The following RNF144B variants were observed in gnomAD, a reference collection of about 807,000 sequenced individuals.
RNF144B encodes E3 ubiquitin-protein ligase RNF144B.
RNF144B carries 25 observed loss-of-function variants against 40.2 expected under a neutral mutation model. The observed-to-expected ratio is 0.62, with a 90% CI of 0.45 to 0.87. The LOEUF is 0.87. Ranked by LOEUF, RNF144B falls within the 40% of genes least tolerant of loss-of-function variation. The pLI is 0.00. For missense variants in RNF144B, 365 were observed against 373.7 expected (o/e 0.98, Z 0.19); for synonymous variants, 145 against 136.3 (o/e 1.06, Z -0.44).
intron 4 of RNF144B, among the ~76,000 whole-genome samples, chr6:18,445,399 T>C (rs1759060303): frequency 6.6e-6 from 1 of 152,240 alleles, no homozygotes; most frequent in African/African-American, 2.4e-5. Flanking sequence ...GGCAGTTTTA[T>C]TTCCCAGAAT....
chr6:18,388,924 T>C (rs944308259), intron 1 of RNF144B, among the ~76,000 whole-genome samples: 2 of 151,894 alleles, frequency 1.3e-5, no homozygotes, highest in African/African-American at 4.8e-5. Context: ...GGTAAACATA[T>C]ATAGTGAACG....
chr6:18,438,001 A>G (rs1282941561), intron 3 of RNF144B, among the ~76,000 whole-genome samples: 1 of 152,194 alleles, frequency 6.6e-6, no homozygotes, highest in Non-Finnish European at 1.5e-5. Flanking sequence ...GTCTTCTGGA[A>G]TCAAAGAAGG....
rs1434597074 is a variant in RNF144B at position 18,442,166 on chromosome 6, T to C, written c.331+2422T>C. Among the ~76,000 whole-genome samples, 1 of 152,200 alleles carries C rather than the reference T, an allele frequency of 6.6e-6. No individual in the cohort carries two copies. Among genetic ancestry groups the C allele is most frequent in the African/African-American group, 2.4e-5 (1 of 41,424 alleles). ...CCCAGATAGTGGTTGGCTTTTTGAC[T>C]TTTCAGTAGTATTCAAACCTGCTTG... On this transcript the variant is annotated intron_variant, in intron 4 of 7. Transcript: ENST00000259939. This position sits in a 1 kb window ranked among gnomAD's most constrained non-coding sequence, Gnocchi z 4.3.
intron 2 of RNF144B, among the ~76,000 whole-genome samples, chr6:18,411,714 G>A (rs1394607080): frequency 3.3e-5 from 5 of 151,122 alleles, no homozygotes; most frequent in Non-Finnish European, 7.4e-5. Context: ...GGCTGGTCTC[G>A]AGCTCCTGAC....
chr6:18,413,902 C>T (rs1220154248), intron 2 of RNF144B, among the ~76,000 whole-genome samples: 1 of 152,134 alleles, frequency 6.6e-6, no homozygotes, highest in Non-Finnish European at 1.5e-5. Context: ...AAAACTTTAT[C>T]TTACGGTTTA....
At chr6:18,415,031 T>C (rs1026860452) in intron 2 of RNF144B, among the ~76,000 whole-genome samples, 15 of 152,218 alleles carry the variant, frequency 9.9e-5, no homozygotes, top group African/African-American at 3.6e-4. Flanking sequence ...GTAACCTATG[T>C]ACATCCTCCC....
chr6:18,431,993 G>T (rs1758705475), intron 3 of RNF144B, among the ~76,000 whole-genome samples: 1 of 152,012 alleles, frequency 6.6e-6, no homozygotes, highest in Admixed American at 6.6e-5. Flanking sequence ...CTGCATTTGG[G>T]GATTCAACTG....
rs1362323564 is a variant in RNF144B, at chr6:18,406,265, C to T, written c.165+6566C>T. 6.6e-6 allele frequency among the ~76,000 whole-genome samples: 1 copy of T among 152,016 alleles called. No homozygotes were observed. The highest frequency in any genetic ancestry group is 1.5e-5 in the Non-Finnish European group (1 of 68,006). On this transcript the variant is annotated intron_variant, in intron 2 of 7. Transcript: ENST00000259939. The surrounding 1 kb of genome is among the most constrained non-coding windows in gnomAD (Gnocchi z 4.2). ...GTGCTGTGGGGAAGAGGGACTTCTA[C>T]TTTATTAGATGATCAGGGAAGTCTC... is the stretch of plus-strand genomic sequence containing the variant.
At chr6:18,407,984 C>CTTTTTTTTTTTTTTTT (rs370801682) in intron 2 of RNF144B, among the ~76,000 whole-genome samples, 1 of 133,602 alleles carries the variant, frequency 7.5e-6, no homozygotes, top group Non-Finnish European at 1.6e-5. Context: ...CTTTCTTTTT[C>CTTTTTTTTTTTTTTTT]TTTTTTTTTT....
intron 3 of RNF144B, among the ~76,000 whole-genome samples, chr6:18,432,074 A>G (rs572024712): frequency 1.3e-5 from 2 of 152,334 alleles, no homozygotes; most frequent in South Asian, 4.1e-4. Context: ...TATTCCCTAA[A>G]CAATATAGTA....
chr6:18,400,459 T>C lies in RNF144B; in HGVS notation c.165+760T>C, dbSNP rs1260064775. 6.6e-6 allele frequency among the ~76,000 whole-genome samples: 1 copy of C among 152,212 alleles called. No individual in the cohort carries two copies. The highest frequency in any genetic ancestry group is 1.5e-5 in the Non-Finnish European group (1 of 68,036). ...TACTTTGTCATAGCTCCTTTTATGC[T>C]GTTTTCACAGTATGCTGAATCCTTC... On this transcript the variant is annotated intron_variant, in intron 2 of 7. Coordinates refer to ENST00000259939, the MANE Select transcript of RNF144B (RefSeq NM_182757.4). This position sits in a 1 kb window ranked among gnomAD's most constrained non-coding sequence, Gnocchi z 5.6.
chr6:18,403,645 G>T (rs984196260), intron 2 of RNF144B, among the ~76,000 whole-genome samples: 2 of 152,146 alleles, frequency 1.3e-5, no homozygotes, highest in African/African-American at 4.8e-5. Flanking sequence ...TGACCTTTAA[G>T]AAAAGCCCAC....
chr6:18,443,308 G>A lies in RNF144B; in HGVS notation c.331+3564G>A, dbSNP rs369212409. Among the ~76,000 whole-genome samples the A allele has an allele frequency of 3.0e-4, 46 of 152,112 alleles. No homozygotes were observed. The highest frequency in any genetic ancestry group is 1.1e-3 in the African/African-American group (45 of 41,500). On this transcript the variant is annotated intron_variant, in intron 4 of 7. Transcript: ENST00000259939. The surrounding 1 kb of genome is among the most constrained non-coding windows in gnomAD (Gnocchi z 4.7). Reference sequence around the variant, plus strand: ...GATGGAGTCTCATTCTGTTGCCCAGGCTGGATTGCAGTGGCACGAACTCTG... The same window carrying A: ...GATGGAGTCTCATTCTGTTGCCCAGACTGGATTGCAGTGGCACGAACTCTG...
In RNF144B at chr6:18,443,229, C is replaced by T. The variant is rs1448628642; in HGVS notation, c.331+3485C>T. On this transcript the variant is annotated intron_variant, in intron 4 of 7. Coordinates refer to ENST00000259939, the MANE Select transcript of RNF144B (RefSeq NM_182757.4). The surrounding 1 kb of genome is among the most constrained non-coding windows in gnomAD (Gnocchi z 4.7). ...CATTTTATGAAAAACGTAACAGGCC[C>T]AGAGGCAATTTCCTCTTAAGTGATT... is the stretch of plus-strand genomic sequence containing the variant. Among the ~76,000 whole-genome samples, 1 of 152,080 alleles carries T rather than the reference C, an allele frequency of 6.6e-6. No individual in the cohort carries two copies. Among genetic ancestry groups the T allele is most frequent in the African/African-American group, 2.4e-5 (1 of 41,402 alleles).
chr6:18,439,819 G>A, intron 4 of RNF144B, 75 bp downstream of exon 4: 1 of 977,076 alleles, frequency 1.0e-6, no homozygotes, highest in South Asian at 1.3e-5. Flanking sequence ...CCACATGGAA[G>A]ATAAAGGCAG....
At chr6:18,421,319 T>C (rs572376616) in intron 2 of RNF144B, among the ~76,000 whole-genome samples, 360 of 139,040 alleles carry the variant, frequency 2.6e-3, no homozygotes, top group Non-Finnish European at 4.2e-3. Context: ...CACACACATA[T>C]ATATAAAATA....
intron 3 of RNF144B, 148 bp downstream of exon 3, chr6:18,427,833 T>C: frequency 1.0e-5 from 6 of 587,248 alleles, no homozygotes; most frequent in Non-Finnish European, 1.5e-5. Context: ...AGCTTACCTT[T>C]GGACTTTTTA....
At chr6:18,393,375 T>C (rs9371054) in intron 1 of RNF144B, among the ~76,000 whole-genome samples, 31,357 of 152,140 alleles carry the variant, frequency 0.21, 3,725 homozygotes, top group East Asian at 0.41. Context: ...CATAAGCCCT[T>C]GCTTCCTTCA....
chr6:18,452,763 G>A (rs932325511), intron 4 of RNF144B, among the ~76,000 whole-genome samples: 1 of 151,910 alleles, frequency 6.6e-6, no homozygotes, highest in Non-Finnish European at 1.5e-5. Flanking sequence ...AAATGTTAAA[G>A]TATATTTCTA....
Sources: allele counts gnomAD v4.1 joint callset (sites outside exome capture counted in the v4.1 genomes callset), GRCh38; gene constraint gnomAD v4.1.1; non-coding constraint Gnocchi (gnomAD v3.1); transcripts MANE v1.5; gene names NCBI Gene and HGNC (gene_info 2026-07-23, HGNC 2026-07-21).